DCAF7: variants seen among roughly 807,000 people sequenced by gnomAD.
DCAF7 encodes DDB1- and CUL4-associated factor 7.
Under a neutral mutation model 41.2 loss-of-function variants are expected in DCAF7, and 4 were observed. The ratio of observed to expected loss-of-function variants is 0.10; its 90% CI spans 0.05 to 0.22. The LOEUF (loss-of-function observed/expected upper bound fraction) is 0.22. DCAF7 is among the 10% of genes least tolerant of loss of function. The pLI is 1.00. For missense variants in DCAF7, 131 were observed against 443.2 expected, an observed-to-expected ratio of 0.30 and a Z score of 6.32; for synonymous variants, 143 against 164.2, an observed-to-expected ratio of 0.87 and a Z score of 0.99.
rs185220069 is a variant in DCAF7, at chr17:63,566,031, G to A, written c.139-12439G>A. On this transcript the variant is annotated intron_variant, in intron 1 of 6. Transcript: ENST00000614556. Reference sequence around the variant, plus strand: ...CAGGAGAATCGCTTGAACCCAGGAGGCAGAAGTTGCAATGAGCCAAGATTA... The same window carrying A: ...CAGGAGAATCGCTTGAACCCAGGAGACAGAAGTTGCAATGAGCCAAGATTA... 4.2e-3 allele frequency among the ~76,000 whole-genome samples: 639 copies of A among 152,220 alleles called. 4 individuals carry two copies. The highest frequency in any genetic ancestry group is 0.014 in the African/African-American group (590 of 41,512).
chr17:63,561,757 C>T (rs1388526402), intron 1 of DCAF7, among the ~76,000 whole-genome samples: 2 of 151,976 alleles, frequency 1.3e-5, no homozygotes, highest in African/African-American at 2.4e-5. Context: ...GAGAGCTTTG[C>T]ATTCAACGGA....
intron 1 of DCAF7, among the ~76,000 whole-genome samples, chr17:63,553,380 G>GGA (rs1200780425): frequency 2.0e-5 from 3 of 152,294 alleles, no homozygotes; most frequent in Non-Finnish European, 4.4e-5. Flanking sequence ...AGAGGTTAAT[G>GGA]GAAATATGGG....
chr17:63,585,531 T>C (rs2033667467), intron 6 of DCAF7, among the ~76,000 whole-genome samples: 1 of 152,234 alleles, frequency 6.6e-6, no homozygotes, highest in Admixed American at 6.5e-5. Context: ...CATCAGAACA[T>C]CTTCCATATA....
At position 63,591,067 on chromosome 17, in the gene DCAF7, C is replaced by G. The variant is rs2033729027; in HGVS notation, c.*1895C>G. On this transcript the variant is annotated 3_prime_UTR_variant, in exon 7 of 7. Transcript: ENST00000614556. ...ATTTGCACTGCATCGTTTGGAGATA[C>G]AAAGCGAGCAGTTCTTGGTCAGAAC... The G allele has an allele frequency of 6.6e-6, 1 of 152,242 alleles. No homozygotes were observed. Among genetic ancestry groups the G allele is most frequent in the East Asian group, 1.9e-4 (1 of 5,194 alleles). The allele number at this position is 152,242 out of a possible 1,614,324, so 9.4% of individuals were successfully genotyped here.
At position 63,579,800 on chromosome 17, in the gene DCAF7, C is replaced by A. The variant is rs773629403; in HGVS notation, c.410-25C>A. 5.6e-6 allele frequency: 9 copies of A among 1,596,132 alleles called. No individual in the cohort carries two copies. In the East Asian group the frequency reaches 2.0e-4, roughly 36 times the overall value. ...GCATGAGAACCTTGGTCCCGTCAGCCCTGACTTGCACTGGTTGTTTGCAGG... is the reference window on the plus strand; with the variant it reads ...GCATGAGAACCTTGGTCCCGTCAGCACTGACTTGCACTGGTTGTTTGCAGG... On this transcript the variant is annotated intron_variant, in intron 3 of 6. Coordinates refer to ENST00000614556, the MANE Select transcript of DCAF7 (RefSeq NM_005828.5).
At chr17:63,559,806 A>G (rs1296013750) in intron 1 of DCAF7, among the ~76,000 whole-genome samples, 2 of 150,000 alleles carry the variant, frequency 1.3e-5, no homozygotes, top group Non-Finnish European at 2.9e-5. Context: ...CGTCTCAAAG[A>G]AAAAAAAACC....
At chr17:63,560,881 T>C (rs1255798369) in intron 1 of DCAF7, among the ~76,000 whole-genome samples, 1 of 152,242 alleles carries the variant, frequency 6.6e-6, no homozygotes, top group Non-Finnish European at 1.5e-5. Context: ...ATGATAATAT[T>C]AACATCAGAT....
chr17:63,589,082 A>C lies in DCAF7; in HGVS notation c.939A>C (p.Glu313Asp). The change falls in exon 7 of 7, where the codon GAA (glutamate) becomes GAC (aspartate). Residue 313 changes from glutamate to aspartate, a missense_variant. Coordinates refer to ENST00000614556, the MANE Select transcript of DCAF7 (RefSeq NM_005828.5). ...ACCCTATCCTGGCCTACACAGCTGA[A>C]GGAGAGATCAACAATGTGCAGTGGG... ...IEDPILAYTA[E>D]GEINNVQWAS... 4 of 1,614,012 alleles carry C rather than the reference A, an allele frequency of 2.5e-6. No individual in the cohort carries two copies. The highest frequency in any genetic ancestry group is 3.4e-6 in the Non-Finnish European group (4 of 1,179,892).
chr17:63,562,195 G>A (rs2033389927), intron 1 of DCAF7, among the ~76,000 whole-genome samples: 1 of 152,186 alleles, frequency 6.6e-6, no homozygotes, highest in South Asian at 2.1e-4. Flanking sequence ...AGATAGAACT[G>A]TAATTCACTG....
At chr17:63,557,402 G>T (rs567753194) in intron 1 of DCAF7, among the ~76,000 whole-genome samples, 89 of 152,206 alleles carry the variant, frequency 5.8e-4, no homozygotes, top group African/African-American at 2.1e-3. Flanking sequence ...CCAGCTACTT[G>T]GGACACTGAG....
In DCAF7 at chr17:63,589,378, G is replaced by C. The variant is rs61154039; in HGVS notation, c.*206G>C. 4,257 of 674,828 alleles carry C rather than the reference G, an allele frequency of 6.3e-3. 114 individuals are homozygous for C. The African/African-American group carries it at 0.067, about 11-fold the overall frequency. 41.8% of individuals were successfully genotyped at this position (674,828 alleles called of 1,614,324 possible). On this transcript the variant is annotated 3_prime_UTR_variant, in exon 7 of 7. Transcript: ENST00000614556. ...CTCAGTGCTGTGTGGCGCCTCCTCAGCCCAGGGCTGAGTTTTAAGATTTTC... is the reference window on the plus strand; with the variant it reads ...CTCAGTGCTGTGTGGCGCCTCCTCACCCCAGGGCTGAGTTTTAAGATTTTC...
At chr17:63,571,209 T>C (rs1255688285) in intron 1 of DCAF7, among the ~76,000 whole-genome samples, 2 of 151,496 alleles carry the variant, frequency 1.3e-5, no homozygotes, top group South Asian at 2.1e-4. Flanking sequence ...AAAAGAAAAT[T>C]GATATATTGT....
intron 1 of DCAF7, among the ~76,000 whole-genome samples, chr17:63,576,529 C>T (rs1461589813): frequency 6.6e-6 from 1 of 152,098 alleles, no homozygotes; most frequent in African/African-American, 2.4e-5. Context: ...GACTCAGAGA[C>T]CTAAATATGA....
chr17:63,586,125 CAAAAAAAAAAAAAAA>C (rs545840925), intron 6 of DCAF7, among the ~76,000 whole-genome samples: 1 of 58,444 alleles, frequency 1.7e-5, no homozygotes, highest in Admixed American at 2.1e-4. Flanking sequence ...ACTCTGTCTC[CAAAAAAAAAAAAAAA>C]AAAAAAAAAG....
In DCAF7 at chr17:63,583,642, A is replaced by G. The variant is rs1445907909; in HGVS notation, c.669A>G (p.Pro223=). ...TIIYEDPQHH[P]LLRLCWNKQD... is the part of the protein sequence containing the mutation. ...TTTACGAAGACCCACAGCATCACCC[A>G]CTGCTTCGCCTCTGCTGGAACAAGC... Residue 223 remains proline, a synonymous_variant, in exon 5 of 7, where the codon CCA becomes CCG. Coordinates refer to ENST00000614556, the MANE Select transcript of DCAF7 (RefSeq NM_005828.5). The G allele has an allele frequency of 1.9e-6, 3 of 1,612,900 alleles. No homozygotes were observed. The highest frequency in any genetic ancestry group is 2.7e-5 in the African/African-American group (2 of 74,880).
rs2033758001 is a variant in DCAF7, at chr17:63,593,790, A to G, written c.*4618A>G. On this transcript the variant is annotated 3_prime_UTR_variant, in exon 7 of 7. Coordinates refer to ENST00000614556, the MANE Select transcript of DCAF7 (RefSeq NM_005828.5). ...ACCCCACCCAGAGTGAATTTGTAGC[A>G]TGATTGTATAAACCTCTATGTAGAA... is the stretch of plus-strand genomic sequence containing the variant. 1 of 152,602 alleles carries G rather than the reference A, an allele frequency of 6.6e-6. No individual in the cohort carries two copies. 9.5% of individuals were successfully genotyped at this position (152,602 alleles called of 1,614,324 possible).
rs1892512123 is a variant in DCAF7 at position 63,567,657 on chromosome 17, T to C, written c.139-10813T>C. Reference sequence around the variant, plus strand: ...ACAGTACATGAGATTTTATTTGGCGTCCTTCTTTTTTTTCCCCCCTAAGAC... The same window carrying C: ...ACAGTACATGAGATTTTATTTGGCGCCCTTCTTTTTTTTCCCCCCTAAGAC... On this transcript the variant is annotated intron_variant, in intron 1 of 6. Coordinates refer to ENST00000614556, the MANE Select transcript of DCAF7 (RefSeq NM_005828.5). Among the ~76,000 whole-genome samples the C allele has an allele frequency of 2.6e-5, 4 of 152,246 alleles. No individual in the cohort carries two copies. In the South Asian group the frequency reaches 8.3e-4, roughly 32 times the overall value.
intron 1 of DCAF7, among the ~76,000 whole-genome samples, chr17:63,564,210 T>C (rs1169760600): frequency 1.3e-5 from 2 of 152,108 alleles, no homozygotes; most frequent in East Asian, 3.8e-4. Flanking sequence ...TTTTATATGA[T>C]GTGATACACT....
chr17:63,585,441 C>A, intron 6 of DCAF7, 113 bp downstream of exon 6: 4 of 964,650 alleles, frequency 4.1e-6, no homozygotes, highest in South Asian at 1.5e-5. Flanking sequence ...GAGATTTATA[C>A]AAAATGACTA....
Sources: allele counts gnomAD v4.1 joint callset (sites outside exome capture counted in the v4.1 genomes callset), GRCh38; gene constraint gnomAD v4.1.1; transcripts MANE v1.5; gene names NCBI Gene and HGNC (gene_info 2026-07-23, HGNC 2026-07-21).